The following SYPL2 variants were observed in gnomAD, a reference collection of about 807,000 sequenced individuals.
SYPL2 encodes the protein synaptophysin-like protein 2.
Under a neutral mutation model 31.3 loss-of-function variants are expected in SYPL2, and 24 were observed. The ratio of observed to expected loss-of-function variants is 0.77; its 90% CI spans 0.56 to 1.08. The LOEUF is 1.08. Among genes scored for constraint, SYPL2 ranks in the 50% least tolerant of loss-of-function variants. The pLI is 0.00. For synonymous variants in SYPL2, 144 were observed against 143.1 expected (o/e 1.01, Z -0.05); for missense variants, 342 against 360.1 (o/e 0.95, Z 0.41).
At chr1:109,473,684 A>T (rs1335127879) in intron 2 of SYPL2, among the ~76,000 whole-genome samples, 1 of 152,182 alleles carries the variant, frequency 6.6e-6, no homozygotes, top group African/African-American at 2.4e-5. Context: ...CAAGGTCAGG[A>T]GACCGAGACC....
rs751488378 is a variant in SYPL2, at chr1:109,477,857, G to A, written c.496G>A (p.Val166Ile). The change falls in exon 5 of 6, where the codon GTA becomes ATA. Residue 166 changes from valine (V) to isoleucine (I), a missense_variant. Val to Ile is a conservative substitution (Grantham distance 29). Coordinates refer to ENST00000369872, the MANE Select transcript of SYPL2 (RefSeq NM_001040709.2). ...TGTCTCCTTCACCTTCTTCTGGCTG[G>A]TAGCTGCAGCTGCCTGGGGCAAGGG... Reference protein sequence around the residue: ...VTVSFTFFWLVAAAAWGKGLT... With the variant: ...VTVSFTFFWLIAAAAWGKGLT... The A allele has an allele frequency of 6.2e-7, 1 of 1,613,302 alleles. No homozygotes were observed. The highest frequency in any genetic ancestry group is 8.5e-7 in the Non-Finnish European group (1 of 1,179,496).
Position 109,466,850 on chromosome 1 carries a change from T to G in SYPL2, c.7T>G (p.Ser3Ala). The change falls in exon 1 of 6, where the codon TCG becomes GCG. Residue 3 changes from serine to alanine, a missense_variant. Coordinates refer to ENST00000369872, the MANE Select transcript of SYPL2 (RefSeq NM_001040709.2). MSSTESAGRTADK... is the reference protein window; with the variant it reads MSATESAGRTADK... ...CAGCGCTCGCCGCGCCAGCATGTCC[T>G]CGACCGAGAGCGCCGGCCGCACGGC... 1 of 1,527,774 alleles carries G rather than the reference T, an allele frequency of 6.5e-7. No homozygotes were observed. Among genetic ancestry groups the G allele is most frequent in the Non-Finnish European group, 8.7e-7 (1 of 1,143,446 alleles). The allele number at this position is 1,527,774 out of a possible 1,614,324, so 94.6% of individuals were successfully genotyped here.
chr1:109,466,875 C>T lies in SYPL2; in HGVS notation c.32C>T (p.Ala11Val), dbSNP rs12750669. The change falls in exon 1 of 6, where the codon GCG becomes GTG. Residue 11 changes from alanine to valine, a missense_variant. Transcript: ENST00000369872. ...TCGACCGAGAGCGCCGGCCGCACGG[C>T]GGACAAGTCGCCGCGCCAGCAGGTA... MSSTESAGRT[A>V]DKSPRQQVDR... 1 of 1,529,672 alleles carries T rather than the reference C, an allele frequency of 6.5e-7. No homozygotes were observed. Among genetic ancestry groups the T allele is most frequent in the Non-Finnish European group, 8.7e-7 (1 of 1,144,070 alleles). 94.8% of individuals were successfully genotyped at this position (1,529,672 alleles called of 1,614,324 possible). A position where few individuals can be genotyped will look rare whatever the true frequency, so the allele number is the denominator to read the frequency against.
chr1:109,473,041 C>T (rs186048932), intron 2 of SYPL2, among the ~76,000 whole-genome samples: 133 of 152,212 alleles, frequency 8.7e-4, no homozygotes, highest in African/African-American at 3.0e-3. Context: ...GTTCTGGGCA[C>T]CAGAAGCTAA....
chr1:109,479,653 T>C lies in SYPL2; in HGVS notation c.*105T>C. On this transcript the variant is annotated 3_prime_UTR_variant, in exon 6 of 6. Coordinates refer to ENST00000369872, the MANE Select transcript of SYPL2 (RefSeq NM_001040709.2). ...CTCCTCCAATTCCCCTCCCCCATCA[T>C]TCTGGTCTTTGAGCTTTGAGACGAT... is the stretch of plus-strand genomic sequence containing the variant. The C allele has an allele frequency of 2.7e-6, 4 of 1,505,022 alleles. No individual in the cohort carries two copies. Among genetic ancestry groups the C allele is most frequent in the Non-Finnish European group, 3.6e-6 (4 of 1,121,818 alleles). The allele number at this position is 1,505,022 out of a possible 1,614,324, so 93.2% of individuals were successfully genotyped here.
intron 2 of SYPL2, among the ~76,000 whole-genome samples, chr1:109,471,802 A>C (rs2101001401): frequency 6.6e-6 from 1 of 151,684 alleles, no homozygotes; most frequent in South Asian, 2.1e-4. Context: ...TGCAGCCTTG[A>C]ACCCCTGGGC....
chr1:109,477,668 C>T (rs1316661179), intron 4 of SYPL2, 150 bp from the exon 5 acceptor site: 1 of 1,180,988 alleles, frequency 8.5e-7, no homozygotes, highest in East Asian at 2.6e-5. Context: ...ACAGATGCCT[C>T]AGGACCACCT....
Position 109,476,788 on chromosome 1 carries a change from C to G in SYPL2, c.267C>G (p.Ile89Met). 6.2e-7 allele frequency: 1 copy of G among 1,614,096 alleles called. No individual in the cohort carries two copies. Among genetic ancestry groups the G allele is most frequent in the Non-Finnish European group, 8.5e-7 (1 of 1,180,018 alleles). The change falls in exon 4 of 6, where the codon ATC becomes ATG. Residue 89 changes from isoleucine to methionine, a missense_variant. Ile to Met is a conservative substitution (Grantham distance 10, BLOSUM62 1). Coordinates refer to ENST00000369872, the MANE Select transcript of SYPL2 (RefSeq NM_001040709.2). ...AFGYPFRLHR[I>M]QYEMPLCDEE... ...CTGCCACCTGCAGGTTGCACCGGAT[C>G]CAATATGAGATGCCCCTCTGCGATG...
rs1655653318 is a variant in SYPL2, at chr1:109,466,823, C to T, written c.-21C>T. 6.6e-7 allele frequency: 1 copy of T among 1,513,074 alleles called. No individual in the cohort carries two copies. The highest frequency in any genetic ancestry group is 8.8e-7 in the Non-Finnish European group (1 of 1,138,020). 93.7% of individuals were successfully genotyped at this position (1,513,074 alleles called of 1,614,324 possible). ...CAGAGAGCCAAGCCACCACGCCGCG[C>T]CCAGCGCTCGCCGCGCCAGCATGTC... On this transcript the variant is annotated 5_prime_UTR_variant, in exon 1 of 6. Transcript: ENST00000369872.
chr1:109,476,119 TCAGCCAGTACGA>T, intron 3 of SYPL2, among the ~76,000 whole-genome samples: 1 of 152,280 alleles, frequency 6.6e-6, no homozygotes, highest in East Asian at 1.9e-4. Context: ...TGTGGGATCC[TCAGCCAGTACGA>T]CCAGGATACA....
At chr1:109,474,200 A>T (rs1361864038) in intron 2 of SYPL2, among the ~76,000 whole-genome samples, 1 of 152,252 alleles carries the variant, frequency 6.6e-6, no homozygotes, top group Non-Finnish European at 1.5e-5. Context: ...ATTGCTTAAT[A>T]AGAACATGAC....
intron 5 of SYPL2, 50 bp from the exon 6 acceptor site, chr1:109,479,328 C>G (rs1656095628): frequency 1.3e-6 from 2 of 1,597,246 alleles, no homozygotes; most frequent in African/African-American, 2.7e-5. Context: ...CTCCCTGTTC[C>G]CACAATGACC....
At chr1:109,467,477 G>T (rs1267902125) in intron 2 of SYPL2, among the ~76,000 whole-genome samples, 1 of 152,170 alleles carries the variant, frequency 6.6e-6, no homozygotes, top group Admixed American at 6.5e-5. Context: ...CGGGAGGGGG[G>T]AGAAGGACGA....
intron 2 of SYPL2, among the ~76,000 whole-genome samples, chr1:109,473,793 G>A (rs1655907379): frequency 6.6e-6 from 1 of 152,052 alleles, no homozygotes; most frequent in Admixed American, 6.5e-5. Context: ...TACTCAACAG[G>A]CTGAGGCAGG....
intron 2 of SYPL2, among the ~76,000 whole-genome samples, chr1:109,474,072 A>G (rs1322031695): frequency 6.6e-6 from 1 of 152,188 alleles, no homozygotes; most frequent in Non-Finnish European, 1.5e-5. Context: ...TATAGCTTCT[A>G]TTCTAGACTC....
At chr1:109,473,762 G>T (rs1445510612) in intron 2 of SYPL2, among the ~76,000 whole-genome samples, 1 of 152,208 alleles carries the variant, frequency 6.6e-6, no homozygotes, top group Admixed American at 6.5e-5. Flanking sequence ...GGGCATGGTG[G>T]TGGGCGCCTA....
rs772829124 is a variant in SYPL2, at chr1:109,476,820, C to A, written c.299C>A (p.Ser100Tyr). The A allele has an allele frequency of 6.2e-7, 1 of 1,614,084 alleles. No homozygotes were observed. Among genetic ancestry groups the A allele is most frequent in the Non-Finnish European group, 8.5e-7 (1 of 1,180,036 alleles). Residue 100 changes from serine to tyrosine, a missense_variant, in exon 4 of 6, where the codon TCC becomes TAC. Coordinates refer to ENST00000369872, the MANE Select transcript of SYPL2 (RefSeq NM_001040709.2). ...GAGATGCCCCTCTGCGATGAAGAGTCCAGCTCCAAGACCATGCACCTCATG... is the reference window on the plus strand; with the variant it reads ...GAGATGCCCCTCTGCGATGAAGAGTACAGCTCCAAGACCATGCACCTCATG... ...QYEMPLCDEE[S>Y]SSKTMHLMGD...
intron 2 of SYPL2, among the ~76,000 whole-genome samples, chr1:109,470,321 G>A (rs1366018667): frequency 6.6e-6 from 1 of 152,176 alleles, no homozygotes; most frequent in Non-Finnish European, 1.5e-5. Context: ...GATAAGCGTG[G>A]GAGTAGGACC....
rs201507882 is a variant in SYPL2, at chr1:109,479,452, A to ACAGGGCCAGGGC, written c.728_739dup (p.Gly243_Gln246dup). On this transcript the variant is annotated inframe_insertion, in exon 6 of 6. Transcript: ENST00000369872. ...TGTTCAAGGAGACCCCGTGGCATGG[A>ACAGGGCCAGGGC]CAGGGCCAGGGCCAGGACCAGGACC... 1 of 1,614,100 alleles carries ACAGGGCCAGGGC rather than the reference A, an allele frequency of 6.2e-7. No homozygotes were observed. Among genetic ancestry groups the ACAGGGCCAGGGC allele is most frequent in the South Asian group, 1.1e-5 (1 of 91,086 alleles).
Sources: allele counts gnomAD v4.1 joint callset (sites outside exome capture counted in the v4.1 genomes callset), GRCh38; gene constraint gnomAD v4.1.1; transcripts MANE v1.5; gene names NCBI Gene and HGNC (gene_info 2026-07-23, HGNC 2026-07-21).